CASK: variants seen among roughly 807,000 people sequenced by gnomAD.
CASK encodes calcium/calmodulin dependent serine protein kinase.
In CASK, 4 loss-of-function variants were observed where a neutral mutation model predicts 82.9. The ratio of observed to expected loss-of-function variants is 0.05; its 90% confidence interval spans 0.02 to 0.11. CASK has a LOEUF of 0.11. Ranked by LOEUF, CASK falls within the 10% of genes least tolerant of loss-of-function variation. CASK has a pLI of 1.00. For missense variants in CASK, 358 were observed against 720.9 expected (o/e 0.50, Z 5.76); for synonymous variants, 259 against 253.5 (o/e 1.02, Z -0.20).
intron 4 of CASK, chrX:41,743,441 AAGAGAATATT>A: frequency 3.7e-6 from 1 of 268,105 alleles, no homozygotes; most frequent in Non-Finnish European, 6.6e-6. Context: ...CACAAAAGAA[AAGAGAATATT>A]TAGCTTTAGT....
chrX:41,531,336 C>T, intron 24 of CASK, 127 bp from the exon 25 acceptor site: 1 of 575,397 alleles, frequency 1.7e-6, no homozygotes, highest in Middle Eastern at 3.2e-4. Flanking sequence ...ATCTCATATC[C>T]CCTGTTCTCA....
In CASK at chrX:41,578,394, C is replaced by A; in HGVS notation, c.1449G>T (p.Glu483Asp). The change falls in exon 15 of 27, where the codon GAG becomes GAT. Residue 483 changes from glutamate to aspartate, a missense_variant. By Grantham distance (45) the Glu-to-Asp change is conservative (BLOSUM62 2). Transcript: ENST00000378163. ...PESANGDMDMENVTRVRLVQF... is the reference protein window; with the variant it reads ...PESANGDMDMDNVTRVRLVQF... ...GTACCAGCCGAACTCTGGTCACATT[C>A]TCCATATCCATGTCTCCGTTAGCAC... 1 of 1,208,356 alleles carries A rather than the reference C, an allele frequency of 8.3e-7. No homozygotes were observed. Among genetic ancestry groups the A allele is most frequent in the Non-Finnish European group, 1.1e-6 (1 of 892,692 alleles).
chrX:41,551,900 A>G (rs2065102470), intron 21 of CASK, among the ~76,000 whole-genome samples: 1 of 105,982 alleles, frequency 9.4e-6, no homozygotes, highest in African/African-American at 3.4e-5. Flanking sequence ...AAAAAAAAAA[A>G]AAAAATTGGT....
intron 9 of CASK, among the ~76,000 whole-genome samples, chrX:41,635,461 C>T (rs1166289730): frequency 2.7e-5 from 3 of 111,644 alleles, no homozygotes; most frequent in Non-Finnish European, 5.6e-5. Flanking sequence ...ACTATCTAAT[C>T]AACCACTTAG....
At chrX:41,853,710 T>G (rs976135991) in intron 1 of CASK, among the ~76,000 whole-genome samples, 1 of 111,751 alleles carries the variant, frequency 8.9e-6, no homozygotes, top group Admixed American at 9.5e-5. Flanking sequence ...CTCTTGAACC[T>G]GTCCTCTTCT....
At chrX:41,770,340 C>T (rs751261765) in intron 3 of CASK, among the ~76,000 whole-genome samples, 1 of 109,179 alleles carries the variant, frequency 9.2e-6, no homozygotes, top group South Asian at 4.1e-4. Context: ...ATCCATCCAT[C>T]CATCCATCCA....
intron 5 of CASK, among the ~76,000 whole-genome samples, chrX:41,708,343 TATG>T (rs1244497866): frequency 2.7e-5 from 3 of 111,732 alleles, no homozygotes; most frequent in African/African-American, 9.7e-5. Flanking sequence ...CATCAATTTC[TATG>T]ATTAAAAAAA....
chrX:41,815,666 G>A (rs1313881094), intron 2 of CASK, among the ~76,000 whole-genome samples: 2 of 111,016 alleles, frequency 1.8e-5, no homozygotes, highest in African/African-American at 3.3e-5. Context: ...CATGTAACTG[G>A]AGCCCTTCAA....
intron 5 of CASK, chrX:41,696,808 T>C: frequency 1.8e-5 from 17 of 948,842 alleles, no homozygotes; most frequent in Non-Finnish European, 2.1e-5. Context: ...AATTATATAA[T>C]GCAGCCTCTT....
At chrX:41,845,463 A>G (rs373720819) in intron 2 of CASK, among the ~76,000 whole-genome samples, 12 of 112,165 alleles carry the variant, frequency 1.1e-4, no homozygotes, top group African/African-American at 3.9e-4. Flanking sequence ...TTGTTTGACT[A>G]TTAAATTTCT....
intron 2 of CASK, among the ~76,000 whole-genome samples, chrX:41,812,131 C>A (rs915139358): frequency 3.6e-5 from 4 of 111,564 alleles, no homozygotes; most frequent in Non-Finnish European, 7.5e-5. Flanking sequence ...CAGGACCCGA[C>A]AGATTCACAG....
intron 2 of CASK, among the ~76,000 whole-genome samples, chrX:41,843,349 T>C (rs991241456): frequency 9.0e-6 from 1 of 111,545 alleles, no homozygotes; most frequent in Non-Finnish European, 1.9e-5. Flanking sequence ...TATTTGTAGG[T>C]TGTTGAGTGT....
chrX:41,662,115 A>C (rs1299675448), intron 7 of CASK, among the ~76,000 whole-genome samples: 2 of 111,519 alleles, frequency 1.8e-5, no homozygotes, highest in Admixed American at 1.9e-4. Context: ...GCTAAAACAA[A>C]TTGGGGAGAT....
intron 2 of CASK, among the ~76,000 whole-genome samples, chrX:41,831,170 C>T (rs906315011): frequency 6.3e-5 from 7 of 110,821 alleles, no homozygotes; most frequent in Admixed American, 1.9e-4. Flanking sequence ...TCACTTCACA[C>T]ACATACCGCT....
intron 15 of CASK, among the ~76,000 whole-genome samples, chrX:41,575,536 TA>T (rs200744366): frequency 0.13 from 13,291 of 103,592 alleles, 730 homozygotes; most frequent in Middle Eastern, 0.18. Context: ...TTCCAATCAA[TA>T]AAAAAAAAAA....
chrX:41,626,772 A>T (rs1019459881), intron 9 of CASK, 69 bp from the exon 10 acceptor site: 86 of 690,611 alleles, frequency 1.2e-4, no homozygotes, highest in Admixed American at 4.1e-4. Context: ...TATTTAACAA[A>T]TTATTTATCT....
intron 2 of CASK, among the ~76,000 whole-genome samples, chrX:41,806,727 G>A (rs2070132099): frequency 1.8e-5 from 2 of 112,113 alleles, no homozygotes; most frequent in Non-Finnish European, 3.8e-5. Flanking sequence ...AAAACAAGAA[G>A]ATGTAGAATA....
chrX:41,752,748 A>G (rs2068820588), intron 3 of CASK, among the ~76,000 whole-genome samples: 1 of 112,310 alleles, frequency 8.9e-6, no homozygotes, highest in Admixed American at 9.5e-5. Context: ...TTACAGGTTA[A>G]GAAGCTGGTG....
At chrX:41,566,325 T>G (rs2065317665) in intron 16 of CASK, among the ~76,000 whole-genome samples, 1 of 111,697 alleles carries the variant, frequency 9.0e-6, no homozygotes, top group African/African-American at 3.3e-5. Flanking sequence ...TGACTATATA[T>G]TTAGAAAACC....
Sources: gnomAD v4.1 joint callset for allele counts (sites outside exome capture counted in the v4.1 genomes callset) on GRCh38, gnomAD v4.1.1 for gene constraint, MANE v1.5 for transcripts, NCBI Gene and HGNC (gene_info 2026-07-23, HGNC 2026-07-21) for gene names.